The following EPB41L5 variants were observed in gnomAD, a reference collection of about 807,000 sequenced individuals.
The protein encoded by EPB41L5 is band 4.1-like protein 5.
In EPB41L5, 55 loss-of-function variants were observed where a neutral mutation model predicts 106.6. That is an observed-to-expected ratio of 0.52 (90% CI 0.42 to 0.65). EPB41L5 has a LOEUF of 0.65. EPB41L5 is among the 30% of genes least tolerant of loss of function. The pLI is 0.00. For missense variants in EPB41L5, 871 were observed against 882.1 expected, an observed-to-expected ratio of 0.99 and a Z score of 0.16; for synonymous variants, 297 against 306.7, an observed-to-expected ratio of 0.97 and a Z score of 0.33.
intron 16 of EPB41L5, among the ~76,000 whole-genome samples, chr2:120,101,276 T>C (rs1003729770): frequency 6.6e-6 from 1 of 152,172 alleles, no homozygotes; most frequent in Non-Finnish European, 1.5e-5. Context: ...TAAAATCTGA[T>C]AAAGCATGAG....
intron 3 of EPB41L5, among the ~76,000 whole-genome samples, chr2:120,069,903 A>C (rs1301864702): frequency 6.6e-6 from 1 of 152,246 alleles, no homozygotes; most frequent in African/African-American, 2.4e-5. Flanking sequence ...CACGATTAAA[A>C]GAACTAGAGA....
intron 16 of EPB41L5, among the ~76,000 whole-genome samples, chr2:120,125,830 C>T (rs1324821805): frequency 6.6e-6 from 1 of 152,126 alleles, no homozygotes; most frequent in Non-Finnish European, 1.5e-5. Context: ...ACAAACTGAA[C>T]TTTGTCTCAG....
intron 20 of EPB41L5, among the ~76,000 whole-genome samples, chr2:120,150,956 T>C (rs754559807): frequency 2.0e-5 from 3 of 152,228 alleles, no homozygotes; most frequent in Non-Finnish European, 2.9e-5. Flanking sequence ...AAGATCATAA[T>C]GATTAACAGT....
chr2:120,013,827 T>G (rs1677315091), intron 1 of EPB41L5: 2 of 152,236 alleles, frequency 1.3e-5, no homozygotes, highest in African/African-American at 4.8e-5. Context: ...GACCCAACTC[T>G]TAAAACGTTT....
chr2:120,036,282 A>G (rs1679033403), intron 2 of EPB41L5, among the ~76,000 whole-genome samples: 1 of 152,210 alleles, frequency 6.6e-6, no homozygotes, highest in Non-Finnish European at 1.5e-5. Context: ...TCATCTGTGG[A>G]CAAAGAATGA....
At chr2:120,031,820 T>G (rs1678729332) in intron 2 of EPB41L5, among the ~76,000 whole-genome samples, 1 of 152,070 alleles carries the variant, frequency 6.6e-6, no homozygotes, top group Admixed American at 6.6e-5. Flanking sequence ...ATATACTGAT[T>G]CTTGAGAAAC....
intron 20 of EPB41L5, among the ~76,000 whole-genome samples, chr2:120,155,165 T>A (rs1033057026): frequency 6.6e-6 from 1 of 152,224 alleles, no homozygotes; most frequent in East Asian, 1.9e-4. Flanking sequence ...AAGATTCCCT[T>A]TAGCATTTTA....
intron 3 of EPB41L5, among the ~76,000 whole-genome samples, chr2:120,061,254 G>T (rs865802289): frequency 1.4e-5 from 2 of 139,920 alleles, no homozygotes; most frequent in African/African-American, 2.7e-5. Context: ...ACGGAGTCTC[G>T]CTCTGTCGCC....
At chr2:120,061,867 A>T (rs2105284760) in intron 3 of EPB41L5, among the ~76,000 whole-genome samples, 1 of 152,092 alleles carries the variant, frequency 6.6e-6, no homozygotes, top group Non-Finnish European at 1.5e-5. Context: ...ATGTTCTGTA[A>T]TTTTTTTCAA....
At position 120,127,811 on chromosome 2, in the gene EPB41L5, C is replaced by T. The variant is rs772110065; in HGVS notation, c.1461C>T (p.Thr487=). The T allele has an allele frequency of 6.2e-7, 1 of 1,612,414 alleles. No homozygotes were observed. Among genetic ancestry groups the T allele is most frequent in the Non-Finnish European group, 8.5e-7 (1 of 1,178,860 alleles). The change falls in exon 17 of 25, where the codon ACC becomes ACT. Residue 487 remains threonine (T), a synonymous_variant. Coordinates refer to ENST00000263713, the MANE Select transcript of EPB41L5 (RefSeq NM_020909.4). ...CACTGAATGACGTTAATGTAGCCAC[C>T]AGGCTTCCGGGATTAGGGGAACCTG... ...SQALNDVNVA[T]RLPGLGEPEV...
chr2:120,144,199 G>A (rs1201799984), intron 19 of EPB41L5, among the ~76,000 whole-genome samples: 1 of 152,140 alleles, frequency 6.6e-6, no homozygotes, highest in Non-Finnish European at 1.5e-5. Flanking sequence ...GAGCCCCCAA[G>A]AGTAGGATTA....
rs746335639 is a variant in EPB41L5 at position 120,075,793 on chromosome 2, ATCT to A, written c.505+42_505+44del. ...TGTTGACTGTTAAGACTCAAGTATA[ATCT>A]TTTTTGTGTGTGTTTTTAGTTAAAG... On this transcript the variant is annotated intron_variant, in intron 7 of 24. Coordinates refer to ENST00000263713, the MANE Select transcript of EPB41L5 (RefSeq NM_020909.4). The A allele has an allele frequency of 2.1e-5, 32 of 1,489,280 alleles. No individual in the cohort carries two copies. In the Admixed American group the frequency reaches 4.4e-4, roughly 20 times the overall value. The allele number at this position is 1,489,280 out of a possible 1,614,324, so 92.3% of individuals were successfully genotyped here.
intron 19 of EPB41L5, 108 bp downstream of exon 19, chr2:120,143,239 C>A: frequency 8.1e-7 from 1 of 1,231,068 alleles, no homozygotes; most frequent in Non-Finnish European, 1.1e-6. Context: ...ATGGTGCAGT[C>A]AGGGAGTTAA....
At position 120,034,811 on chromosome 2, in the gene EPB41L5, G is replaced by A. The variant is rs866947699; in HGVS notation, c.181-7195G>A. Among the ~76,000 whole-genome samples the A allele has an allele frequency of 2.8e-4, 43 of 152,334 alleles. No individual in the cohort carries two copies. In the Middle Eastern group the frequency reaches 0.01, roughly 36 times the overall value. ...GACCTGGAGGTCAAGGCTGTGGTGA[G>A]CCATGCATGCCGCTGCACTGTAACC... On this transcript the variant is annotated intron_variant, in intron 2 of 24. Coordinates refer to ENST00000263713, the MANE Select transcript of EPB41L5 (RefSeq NM_020909.4).
chr2:120,077,296 G>T lies in EPB41L5; in HGVS notation c.694G>T (p.Val232Phe). ...NKAKWLEMYG[V>F]DMHVVKARDG... The stretch of plus-strand genomic sequence containing the variant: ...AGCCAAATGGCTAGAAATGTATGGG[G>T]TTGATATGCATGTGGTCAAGGTAAG... Residue 232 changes from valine to phenylalanine, a missense_variant, in exon 9 of 25, where the codon GTT (valine) becomes TTT (phenylalanine). Coordinates refer to ENST00000263713, the MANE Select transcript of EPB41L5 (RefSeq NM_020909.4). 2 of 1,611,894 alleles carry T rather than the reference G, an allele frequency of 1.2e-6. No individual in the cohort carries two copies. Among genetic ancestry groups the T allele is most frequent in the Non-Finnish European group, 1.7e-6 (2 of 1,178,624 alleles).
intron 19 of EPB41L5, among the ~76,000 whole-genome samples, chr2:120,143,927 C>T (rs1686288142): frequency 6.6e-6 from 1 of 152,102 alleles, no homozygotes; most frequent in African/African-American, 2.4e-5. Flanking sequence ...CTCTGAGCCA[C>T]AGTTTAATTA....
chr2:120,130,458 T>C (rs1209269083), intron 17 of EPB41L5, among the ~76,000 whole-genome samples: 1 of 152,216 alleles, frequency 6.6e-6, no homozygotes, highest in Non-Finnish European at 1.5e-5. Flanking sequence ...CTAAAATAGC[T>C]TGTGCTGCAT....
At chr2:120,155,345 C>T (rs1337294596) in intron 20 of EPB41L5, among the ~76,000 whole-genome samples, 1 of 152,178 alleles carries the variant, frequency 6.6e-6, no homozygotes, top group Non-Finnish European at 1.5e-5. Context: ...TTCTGGTCTG[C>T]ATGGTTTCTA....
At chr2:120,052,363 G>T (rs533095162) in intron 3 of EPB41L5, among the ~76,000 whole-genome samples, 213 of 152,312 alleles carry the variant, frequency 1.4e-3, no homozygotes, top group Non-Finnish European at 2.0e-3. Context: ...CCTATTGGGT[G>T]TCATGTACTT....
Sources: gnomAD v4.1 joint callset for allele counts (sites outside exome capture counted in the v4.1 genomes callset) on GRCh38, gnomAD v4.1.1 for gene constraint, MANE v1.5 for transcripts, NCBI Gene and HGNC (gene_info 2026-07-23, HGNC 2026-07-21) for gene names.